SLC12A6: variants seen among roughly 807,000 people sequenced by gnomAD.
SLC12A6 encodes K-Cl cotransporter 3.
SLC12A6 carries 66 observed loss-of-function variants against 135.3 expected under a neutral mutation model. The observed-to-expected ratio is 0.49, with a 90% CI of 0.40 to 0.60. The LOEUF (loss-of-function observed/expected upper bound fraction) is 0.60. Ranked by LOEUF, SLC12A6 falls within the 20% of genes least tolerant of loss-of-function variation. The pLI is 0.00. For missense variants in SLC12A6, 1,058 were observed against 1,452.3 expected (o/e 0.73, Z 4.41); for synonymous variants, 513 against 508.8 (o/e 1.01, Z -0.11).
At chr15:34,292,065 T>C (rs1191377225) in intron 2 of SLC12A6, among the ~76,000 whole-genome samples, 1 of 152,156 alleles carries the variant, frequency 6.6e-6, no homozygotes, top group African/African-American at 2.4e-5. Flanking sequence ...AGAAGAGGCA[T>C]TCTGGTTTTT....
intron 4 of SLC12A6, 61 bp downstream of exon 4, chr15:34,260,865 A>G: frequency 2.5e-6 from 2 of 797,650 alleles, no homozygotes; most frequent in South Asian, 2.8e-5. Context: ...GGGGTAAAAT[A>G]TGGCTATCAT....
At chr15:34,304,893 G>A (rs556222172) in intron 2 of SLC12A6, among the ~76,000 whole-genome samples, 2 of 152,046 alleles carry the variant, frequency 1.3e-5, no homozygotes, top group African/African-American at 2.4e-5. Flanking sequence ...CTCTGTTCTA[G>A]GTCACTTGTT....
At chr15:34,248,460 CAATAATAA>C (rs1892149963) in intron 13 of SLC12A6, among the ~76,000 whole-genome samples, 2 of 152,070 alleles carry the variant, frequency 1.3e-5, no homozygotes, top group Non-Finnish European at 2.9e-5. Context: ...TTTACACTCT[CAATAATAA>C]TTTTTATATC....
chr15:34,231,193 TCTCTA>T lies in SLC12A6; in HGVS notation c.*2683_*2687del. The T allele has an allele frequency of 6.6e-6, 1 of 152,078 alleles. No homozygotes were observed. Among genetic ancestry groups the T allele is most frequent in the African/African-American group, 2.4e-5 (1 of 41,364 alleles). The allele number at this position is 152,078 out of a possible 1,614,324, so 9.4% of individuals were successfully genotyped here. ...CATCAGTTTCAGTAGAGAAACCCCG[TCTCTA>T]CTGAAAATACAAAATTAGCTGGGTG... On this transcript the variant is annotated 3_prime_UTR_variant, in exon 26 of 26. Transcript: ENST00000354181.
chr15:34,319,130 CT>C lies in SLC12A6; in HGVS notation c.271+17279del, dbSNP rs926815901. Among the ~76,000 whole-genome samples the C allele has an allele frequency of 0.017, 2,294 of 135,366 alleles. 44 individuals carry two copies. The highest frequency in any genetic ancestry group is 0.055 in the African/African-American group (1,934 of 35,442). The allele number at this position is 135,366 out of a possible 152,430, so 88.8% of individuals were successfully genotyped here. A position where few individuals can be genotyped will look rare whatever the true frequency, so the allele number is the denominator to read the frequency against. ...ACAAGAAAGATTAGAGAACAGTTAACTTTTTTTTTTTTTTTTTTTGAGACAG... is the reference window on the plus strand; with the variant it reads ...ACAAGAAAGATTAGAGAACAGTTAACTTTTTTTTTTTTTTTTTTGAGACAG... On this transcript the variant is annotated intron_variant, in intron 2 of 25. Coordinates refer to ENST00000354181, the MANE Select transcript of SLC12A6 (RefSeq NM_001365088.1).
chr15:34,246,673 GT>G (rs1215541434), intron 13 of SLC12A6, among the ~76,000 whole-genome samples: 1 of 151,464 alleles, frequency 6.6e-6, no homozygotes, highest in Non-Finnish European at 1.5e-5. Flanking sequence ...TTTGAGACAG[GT>G]CTCACTCTGT....
In SLC12A6 at chr15:34,317,278, A is replaced by C. The variant is rs150269601; in HGVS notation, c.271+19132T>G. Among the ~76,000 whole-genome samples, 728 of 152,372 alleles carry C rather than the reference A, an allele frequency of 4.8e-3. 6 individuals are homozygous for C. The highest frequency in any genetic ancestry group is 0.017 in the African/African-American group (713 of 41,594). Reference sequence around the variant, plus strand: ...AGGAACATTTTCCTTAAAAGTTTGCATCTTCAAACAAGATTCATAAAAATT... The same window carrying C: ...AGGAACATTTTCCTTAAAAGTTTGCCTCTTCAAACAAGATTCATAAAAATT... On this transcript the variant is annotated intron_variant, in intron 2 of 25. Coordinates refer to ENST00000354181, the MANE Select transcript of SLC12A6 (RefSeq NM_001365088.1).
At chr15:34,302,650 G>A (rs749956207) in intron 2 of SLC12A6, among the ~76,000 whole-genome samples, 1 of 151,952 alleles carries the variant, frequency 6.6e-6, no homozygotes, top group Non-Finnish European at 1.5e-5. Flanking sequence ...AGCTGAGATT[G>A]TGCCACTGCA....
At chr15:34,320,603 A>ATTTT (rs10543386) in intron 2 of SLC12A6, among the ~76,000 whole-genome samples, 3 of 145,008 alleles carry the variant, frequency 2.1e-5, no homozygotes, top group Admixed American at 6.9e-5. Context: ...GGAATAAACA[A>ATTTT]TTTTTTTTTT....
intron 3 of SLC12A6, among the ~76,000 whole-genome samples, chr15:34,269,535 G>C (rs1893766048): frequency 6.6e-6 from 1 of 152,106 alleles, no homozygotes. Flanking sequence ...ATTTCCCTTG[G>C]CACAGGTTTG....
At chr15:34,269,769 A>G (rs1893785820) in intron 3 of SLC12A6, among the ~76,000 whole-genome samples, 1 of 151,972 alleles carries the variant, frequency 6.6e-6, no homozygotes, top group African/African-American at 2.4e-5. Context: ...CTAAAAGCTT[A>G]ATCACATTCA....
intron 2 of SLC12A6, among the ~76,000 whole-genome samples, chr15:34,303,255 C>T (rs545716261): frequency 2.0e-5 from 3 of 152,108 alleles, no homozygotes; most frequent in Non-Finnish European, 4.4e-5. Context: ...AGGTTAACTG[C>T]TTAATGTAGG....
At chr15:34,336,026 T>C (rs1164201978) in intron 2 of SLC12A6, among the ~76,000 whole-genome samples, 1 of 152,194 alleles carries the variant, frequency 6.6e-6, no homozygotes, top group Non-Finnish European at 1.5e-5. Context: ...CAGACTGAAA[T>C]AGCCAATGAT....
intron 2 of SLC12A6, among the ~76,000 whole-genome samples, chr15:34,315,988 T>C (rs1411534317): frequency 1.3e-5 from 2 of 152,156 alleles, no homozygotes; most frequent in African/African-American, 2.4e-5. Context: ...ACTCATTTTA[T>C]TGCAGTGGTC....
intron 2 of SLC12A6, among the ~76,000 whole-genome samples, chr15:34,282,962 T>C (rs1218218755): frequency 1.3e-5 from 2 of 152,180 alleles, no homozygotes; most frequent in Non-Finnish European, 2.9e-5. Context: ...GACTAATAAG[T>C]CCCAGTCATT....
chr15:34,254,604 T>TA lies in SLC12A6; in HGVS notation c.877-16dup, dbSNP rs1892621435. The TA allele has an allele frequency of 6.3e-7, 1 of 1,586,170 alleles. No homozygotes were observed. Among genetic ancestry groups the TA allele is most frequent in the African/African-American group, 1.3e-5 (1 of 74,254 alleles). ...ACGATATAGACCTGTTAGGTAAAAA[T>TA]AAAGGAGAAAATTAGGTTATTTCAA... On this transcript the variant is annotated splice_polypyrimidine_tract_variant and intron_variant, in intron 8 of 25. Coordinates refer to ENST00000354181, the MANE Select transcript of SLC12A6 (RefSeq NM_001365088.1).
chr15:34,260,899 A>G, intron 4 of SLC12A6, 27 bp downstream of exon 4: 1 of 933,374 alleles, frequency 1.1e-6, no homozygotes, highest in East Asian at 2.4e-5. Context: ...CTAAAGTCTC[A>G]GTCCATAGTT....
At chr15:34,266,893 G>A (rs1273470686) in intron 3 of SLC12A6, among the ~76,000 whole-genome samples, 1 of 152,142 alleles carries the variant, frequency 6.6e-6, no homozygotes, top group East Asian at 1.9e-4. Flanking sequence ...CAACTGCCAA[G>A]TTTAGTCCAT....
chr15:34,262,231 GT>G (rs1242736560), intron 3 of SLC12A6, among the ~76,000 whole-genome samples: 1 of 151,786 alleles, frequency 6.6e-6, no homozygotes, highest in Non-Finnish European at 1.5e-5. Context: ...TCCCTAATTG[GT>G]TTTTTACACT....
Sources: allele counts gnomAD v4.1 joint callset (sites outside exome capture counted in the v4.1 genomes callset), GRCh38; gene constraint gnomAD v4.1.1; transcripts MANE v1.5; gene names NCBI Gene and HGNC (gene_info 2026-07-23, HGNC 2026-07-21).